The following NAP1L4 variants were observed in gnomAD, a reference collection of about 807,000 sequenced individuals.
NAP1L4 encodes the protein nucleosome assembly protein 1-like 4.
In NAP1L4, 15 loss-of-function variants were observed where a neutral mutation model predicts 58.2. The ratio of observed to expected loss-of-function variants is 0.26; its 90% CI spans 0.17 to 0.40. The LOEUF (loss-of-function observed/expected upper bound fraction) is 0.40. Among genes scored for constraint, NAP1L4 ranks in the 10% least tolerant of loss-of-function variants. NAP1L4 has a pLI of 1.00. For synonymous variants in NAP1L4, 171 were observed against 155.6 expected, an observed-to-expected ratio of 1.10 and a Z score of -0.74; for missense variants, 384 against 451.1, an observed-to-expected ratio of 0.85 and a Z score of 1.35.
In NAP1L4 at chr11:2,945,514, T is replaced by C. The variant is rs1285867998; in HGVS notation, c.*165A>G. ...TGAAAACGAGTTAGATGGAGTAAGC[T>C]CTGTCCACGGGATTGTGCTGCGGCA... On this transcript the variant is annotated 3_prime_UTR_variant, in exon 16 of 16. Coordinates refer to ENST00000380542, the MANE Select transcript of NAP1L4 (RefSeq NM_005969.4). 13 of 1,069,448 alleles carry C rather than the reference T, an allele frequency of 1.2e-5. No individual in the cohort carries two copies. Among genetic ancestry groups the C allele is most frequent in the Non-Finnish European group, 1.6e-5 (12 of 749,708 alleles). 66.2% of individuals were successfully genotyped at this position (1,069,448 alleles called of 1,614,324 possible). A position where few individuals can be genotyped will look rare whatever the true frequency, so the allele number is the denominator to read the frequency against.
chr11:2,944,665 G>A lies in NAP1L4; in HGVS notation c.*1014C>T, dbSNP rs754940496. The A allele has an allele frequency of 4.6e-5, 7 of 152,250 alleles. No individual in the cohort carries two copies. The highest frequency in any genetic ancestry group is 8.8e-5 in the Non-Finnish European group (6 of 68,052). 9.4% of individuals were successfully genotyped at this position (152,250 alleles called of 1,614,324 possible). On this transcript the variant is annotated 3_prime_UTR_variant, in exon 16 of 16. Coordinates refer to ENST00000380542, the MANE Select transcript of NAP1L4 (RefSeq NM_005969.4). The stretch of plus-strand genomic sequence containing the variant: ...CCCAGGACCTTCAGACAGGATGAAT[G>A]GTGGGGCCCCGCAATGGGGCTACTG...
intron 1 of NAP1L4, chr11:2,990,777 T>A (rs1848915944): frequency 5.2e-6 from 1 of 194,036 alleles, no homozygotes; most frequent in Non-Finnish European, 1.1e-5. Flanking sequence ...AGCATCTATC[T>A]CAGGTTATTA....
chr11:2,952,730 A>C (rs1483463704), intron 12 of NAP1L4: 2 of 152,302 alleles, frequency 1.3e-5, no homozygotes, highest in African/African-American at 4.8e-5. Context: ...ATTTCACGTC[A>C]GATCCAACGA....
At chr11:2,979,118 T>C (rs1848149460) in intron 2 of NAP1L4, 89 bp downstream of exon 2, 1 of 1,353,524 alleles carries the variant, frequency 7.4e-7, no homozygotes, top group Non-Finnish European at 1.0e-6. Context: ...GCATTTAACT[T>C]TGATTCTAAT....
chr11:2,968,995 T>G (rs7129037), intron 7 of NAP1L4, among the ~76,000 whole-genome samples: 19,602 of 51,622 alleles, frequency 0.38, 1,896 homozygotes, highest in African/African-American at 0.48. Context: ...GTTGTTTTTT[T>G]TTTTTTTTTT....
Position 2,946,455 on chromosome 11 carries a change from G to A in NAP1L4, c.*33-809C>T, listed in dbSNP as rs1031353735. Among the ~76,000 whole-genome samples, 35 of 152,182 alleles carry A rather than the reference G, an allele frequency of 2.3e-4. No individual in the cohort carries two copies. The highest frequency in any genetic ancestry group is 8.2e-4 in the African/African-American group (34 of 41,448). On this transcript the variant is annotated intron_variant, in intron 15 of 15. Transcript: ENST00000380542. The surrounding 1 kb of genome is among the most constrained non-coding windows in gnomAD (Gnocchi z 4.8). The stretch of plus-strand genomic sequence containing the variant: ...AACAATAGCCTAAGAAATACATCAC[G>A]ATCTTGCTAATGCTTCTGCGCTAGT...
chr11:2,983,536 C>T (rs1848449485), intron 1 of NAP1L4, among the ~76,000 whole-genome samples: 1 of 148,678 alleles, frequency 6.7e-6, no homozygotes, highest in South Asian at 2.1e-4. Flanking sequence ...CTGTTTAATA[C>T]AATTTTTGTT....
intron 10 of NAP1L4, among the ~76,000 whole-genome samples, chr11:2,956,163 G>C (rs1448007707): frequency 6.6e-6 from 1 of 152,158 alleles, no homozygotes; most frequent in Non-Finnish European, 1.5e-5. Context: ...GATGGTGCAG[G>C]AAAGAGAAAG....
chr11:2,991,878 G>C (rs965108687), intron 1 of NAP1L4: 3 of 152,258 alleles, frequency 2.0e-5, no homozygotes, highest in African/African-American at 7.2e-5. Context: ...CTGGGCTAGC[G>C]GGAGATTTGA....
rs756111932 is a variant in NAP1L4, at chr11:2,945,490, G to C, written c.*189C>G. On this transcript the variant is annotated 3_prime_UTR_variant, in exon 16 of 16. Coordinates refer to ENST00000380542, the MANE Select transcript of NAP1L4 (RefSeq NM_005969.4). ...AAGTGAAAGTGAAAATCATGCACTT[G>C]AAAACGAGTTAGATGGAGTAAGCTC... 8.8e-5 allele frequency: 76 copies of C among 862,500 alleles called. No homozygotes were observed. Among genetic ancestry groups the C allele is most frequent in the Non-Finnish European group, 1.2e-4 (70 of 576,504 alleles). 53.4% of individuals were successfully genotyped at this position (862,500 alleles called of 1,614,324 possible). A position where few individuals can be genotyped will look rare whatever the true frequency, so the allele number is the denominator to read the frequency against.
chr11:2,973,202 T>C (rs1312369351), intron 4 of NAP1L4, among the ~76,000 whole-genome samples: 1 of 152,240 alleles, frequency 6.6e-6, no homozygotes, highest in East Asian at 1.9e-4. Context: ...AACTTTGTCC[T>C]GGAGAGTCAG....
intron 1 of NAP1L4, chr11:2,990,126 G>A (rs890348344): frequency 1.6e-5 from 2 of 124,214 alleles, no homozygotes; most frequent in African/African-American, 7.1e-5. Context: ...TCACAAAAGT[G>A]TTATATGTGC....
chr11:2,976,625 G>GC (rs1196242928), intron 3 of NAP1L4, among the ~76,000 whole-genome samples: 1 of 152,206 alleles, frequency 6.6e-6, no homozygotes, highest in East Asian at 1.9e-4. Context: ...AGTTTTCTTT[G>GC]CATGTGCTAC....
At chr11:2,961,921 A>G (rs911768761) in intron 8 of NAP1L4, among the ~76,000 whole-genome samples, 2 of 152,254 alleles carry the variant, frequency 1.3e-5, no homozygotes, top group Non-Finnish European at 1.5e-5. Context: ...CCCAAAGACA[A>G]CTGAAGATGA....
At position 2,951,367 on chromosome 11, in the gene NAP1L4, G is replaced by C; in HGVS notation, c.1066-52C>G. On this transcript the variant is annotated intron_variant, in intron 13 of 15. Transcript: ENST00000380542. This position sits in a 1 kb window ranked among gnomAD's most constrained non-coding sequence, Gnocchi z 4.0. ...GGAATGACAAGATTTAAACTCTTGT[G>C]GCATTCACAATCCACAAACACAAGG... 3.3e-6 allele frequency: 5 copies of C among 1,507,696 alleles called. No homozygotes were observed. The highest frequency in any genetic ancestry group is 3.7e-6 in the Non-Finnish European group (4 of 1,084,102). The allele number at this position is 1,507,696 out of a possible 1,614,324, so 93.4% of individuals were successfully genotyped here. A position where few individuals can be genotyped will look rare whatever the true frequency, so the allele number is the denominator to read the frequency against.
chr11:2,979,048 A>G (rs1848144225), intron 2 of NAP1L4, among the ~76,000 whole-genome samples, 159 bp downstream of exon 2: 1 of 152,232 alleles, frequency 6.6e-6, no homozygotes, highest in Non-Finnish European at 1.5e-5. Flanking sequence ...TGTCGGAAGT[A>G]ATTTCTTTAC....
chr11:2,954,601 G>GTCCA lies in NAP1L4; in HGVS notation c.957_960dup (p.His321TrpfsTer6), dbSNP rs752221334. On this transcript the variant is annotated frameshift_variant, in exon 12 of 16. Coordinates refer to ENST00000380542, the MANE Select transcript of NAP1L4 (RefSeq NM_005969.4). LOFTEE classifies it high-confidence loss of function. The surrounding 1 kb of genome is among the most constrained non-coding windows in gnomAD (Gnocchi z 4.8). ...GGGACTATCCGCTCACGGAAAAAGT[G>GTCCA]TCCAATTTCAAAATCAGAGGCTAAT... 1 of 1,614,200 alleles carries GTCCA rather than the reference G, an allele frequency of 6.2e-7. No homozygotes were observed. The highest frequency in any genetic ancestry group is 8.5e-7 in the Non-Finnish European group (1 of 1,180,036).
At chr11:2,987,351 G>A (rs943464965) in intron 1 of NAP1L4, among the ~76,000 whole-genome samples, 1 of 151,630 alleles carries the variant, frequency 6.6e-6, no homozygotes, top group Non-Finnish European at 1.5e-5. Flanking sequence ...CACCCAAGGC[G>A]GGAGAGGGTC....
intron 7 of NAP1L4, 103 bp from the exon 8 acceptor site, chr11:2,964,854 C>T (rs1590237674): frequency 1.2e-6 from 1 of 805,814 alleles, no homozygotes; most frequent in Admixed American, 2.2e-5. Flanking sequence ...GCATAACTAG[C>T]CCTATTGGAA....
Sources: allele counts gnomAD v4.1 joint callset (sites outside exome capture counted in the v4.1 genomes callset), GRCh38; gene constraint gnomAD v4.1.1; non-coding constraint Gnocchi (gnomAD v3.1); transcripts MANE v1.5; gene names NCBI Gene and HGNC (gene_info 2026-07-23, HGNC 2026-07-21).